The following DRP2 variants were observed in gnomAD, a reference collection of about 807,000 sequenced individuals.
DRP2 encodes the protein dystrophin-related protein 2.
In DRP2, 29 loss-of-function variants were observed where a neutral mutation model predicts 78.2. The ratio of observed to expected loss-of-function variants is 0.37; its 90% CI spans 0.28 to 0.51. The LOEUF (loss-of-function observed/expected upper bound fraction) is 0.51. Ranked by LOEUF, DRP2 falls within the 20% of genes least tolerant of loss-of-function variation. The pLI is 0.94. For missense variants in DRP2, 686 were observed against 770.6 expected (o/e 0.89, Z 1.30); for synonymous variants, 290 against 281.9 (o/e 1.03, Z -0.29).
intron 3 of DRP2, among the ~76,000 whole-genome samples, chrX:101,233,343 G>T (rs960065662): frequency 7.2e-5 from 8 of 111,448 alleles, no homozygotes; most frequent in Non-Finnish European, 1.3e-4. Context: ...AGAGGACCCA[G>T]CATGAGTGAA....
At position 101,260,671 on chromosome X, in the gene DRP2, C is replaced by T. The variant is rs370377113; in HGVS notation, c.*50C>T. 1 of 1,165,406 alleles carries T rather than the reference C, an allele frequency of 8.6e-7. No individual in the cohort carries two copies. Among genetic ancestry groups the T allele is most frequent in the Admixed American group, 2.5e-5 (1 of 40,800 alleles). ...TTCATAGTCCTCTCCTGGTTCCGGT[C>T]AAAGCCTTTCCTCAGCCTTCACCCA... On this transcript the variant is annotated 3_prime_UTR_variant, in exon 24 of 24. Coordinates refer to ENST00000395209, the MANE Select transcript of DRP2 (RefSeq NM_001939.3).
At chrX:101,223,518 A>G (rs988697713) in intron 1 of DRP2, among the ~76,000 whole-genome samples, 2 of 111,674 alleles carry the variant, frequency 1.8e-5, no homozygotes, top group Non-Finnish European at 3.8e-5. Context: ...TTAGGTGACA[A>G]TTTCTACTGG....
At chrX:101,258,664 G>C in intron 22 of DRP2, 118 bp downstream of exon 22, 1 of 632,168 alleles carries the variant, frequency 1.6e-6, no homozygotes, top group Non-Finnish European at 2.4e-6. Flanking sequence ...TGGCTGTCAG[G>C]TAACTTCCTG....
In DRP2 at chrX:101,242,464, A is replaced by G; in HGVS notation, c.968A>G (p.Gln323Arg). 8.3e-7 allele frequency: 1 copy of G among 1,208,764 alleles called. No individual in the cohort carries two copies. The highest frequency in any genetic ancestry group is 3.0e-5 in the East Asian group (1 of 33,784). Reference sequence around the variant, plus strand: ...GAACAGATCAACGTCCGATGGAAACAACTACAGGTAGAAGAGCAGCCTGGA... The same window carrying G: ...GAACAGATCAACGTCCGATGGAAACGACTACAGGTAGAAGAGCAGCCTGGA... ...ALEQINVRWK[Q>R]LQASVSERLK... The change falls in exon 8 of 24, where the codon CAA becomes CGA. Residue 323 changes from glutamine (Q) to arginine (R), a missense_variant. Gln to Arg is a conservative substitution (Grantham distance 43). This residue lies in a region of DRP2 where 423 missense variants were observed against 531.5 expected (regional missense o/e 0.80). Transcript: ENST00000395209.
chrX:101,257,967 C>T (rs1923410455), intron 21 of DRP2, among the ~76,000 whole-genome samples: 1 of 110,700 alleles, frequency 9.0e-6, no homozygotes, highest in African/African-American at 3.3e-5. Flanking sequence ...GAGTCAGTGG[C>T]CCTAATGCCT....
chrX:101,263,740 CTGTT>C lies in DRP2; in HGVS notation c.*3122_*3125del, dbSNP rs1923645188. The C allele has an allele frequency of 8.9e-6, 1 of 112,085 alleles. No individual in the cohort carries two copies. The highest frequency in any genetic ancestry group is 1.9e-5 in the Non-Finnish European group (1 of 53,234). 9.2% of individuals were successfully genotyped at this position (112,085 alleles called of 1,213,427 possible). A position where few individuals can be genotyped will look rare whatever the true frequency, so the allele number is the denominator to read the frequency against. On this transcript the variant is annotated 3_prime_UTR_variant, in exon 24 of 24. Transcript: ENST00000395209. Reference sequence around the variant, plus strand: ...GGGAACTATTTCCCTACAGAGAAATCTGTTTGAGTTTCTGGTGCTCCAGGAAATG... The same window carrying C: ...GGGAACTATTTCCCTACAGAGAAATCTGAGTTTCTGGTGCTCCAGGAAATG...
chrX:101,223,539 G>C (rs1338706910), intron 1 of DRP2, among the ~76,000 whole-genome samples: 11 of 111,631 alleles, frequency 9.9e-5, no homozygotes, highest in South Asian at 3.7e-4. Flanking sequence ...GTAAATATCT[G>C]GGTGGAATTG....
At chrX:101,247,942 T>A in intron 12 of DRP2, 147 bp from the exon 13 acceptor site, 1 of 510,913 alleles carries the variant, frequency 2.0e-6, no homozygotes, top group Non-Finnish European at 3.2e-6. Context: ...AGGGTCTTAG[T>A]AAAGGACAAG....
Position 101,254,448 on chromosome X carries a change from G to A in DRP2, c.2001G>A (p.Arg667=). The A allele has an allele frequency of 8.3e-7, 1 of 1,211,703 alleles. No individual in the cohort carries two copies. The highest frequency in any genetic ancestry group is 1.1e-6 in the Non-Finnish European group (1 of 895,485). The change falls in exon 18 of 24, where the codon AGG becomes AGA. Residue 667 remains arginine, a synonymous_variant. Transcript: ENST00000395209. The part of the protein sequence containing the change: ...YTPTTSSENM[R]DFATTLKNKF... ...AGACCACATCCAGTGAGAACATGAG[G>A]GACTTTGCCACAACCTTAAAGAACA...
At position 101,255,139 on chromosome X, in the gene DRP2, G is replaced by A. The variant is rs367653341; in HGVS notation, c.2181-45G>A. On this transcript the variant is annotated intron_variant, in intron 19 of 23. Transcript: ENST00000395209. ...ATTAAAGTCCTTGAGATGGAAGCAG[G>A]CCCCACATCCTGTTTTCTCTCCTGC... 1.9e-5 allele frequency: 22 copies of A among 1,171,065 alleles called. No individual in the cohort carries two copies. In the African/African-American group the frequency reaches 2.1e-4, roughly 11 times the overall value.
In DRP2 at chrX:101,263,471, G is replaced by A. The variant is rs754217351; in HGVS notation, c.*2850G>A. 3.6e-5 allele frequency: 4 copies of A among 111,898 alleles called. No homozygotes were observed. The highest frequency in any genetic ancestry group is 7.6e-4 in the South Asian group (2 of 2,631). The allele number at this position is 111,898 out of a possible 1,213,427, so 9.2% of individuals were successfully genotyped here. Reference sequence around the variant, plus strand: ...TCAAATAGTATCAGAGAACAGTTAGGACTGAGAGGTGATTTCTTCTTGACA... The same window carrying A: ...TCAAATAGTATCAGAGAACAGTTAGAACTGAGAGGTGATTTCTTCTTGACA... On this transcript the variant is annotated 3_prime_UTR_variant, in exon 24 of 24. Coordinates refer to ENST00000395209, the MANE Select transcript of DRP2 (RefSeq NM_001939.3).
At chrX:101,254,182 G>A (rs1346135984) in intron 17 of DRP2, among the ~76,000 whole-genome samples, 1 of 106,227 alleles carries the variant, frequency 9.4e-6, no homozygotes, top group Non-Finnish European at 1.9e-5. Flanking sequence ...AAATTTTTAA[G>A]TATAAAATGA....
chrX:101,248,046 C>G, intron 12 of DRP2, 43 bp from the exon 13 acceptor site: 1 of 1,164,256 alleles, frequency 8.6e-7, no homozygotes. Context: ...TGGGGTTCTA[C>G]TTTTGGCTAT....
At chrX:101,224,376 C>G in intron 1 of DRP2, among the ~76,000 whole-genome samples, 1 of 72,630 alleles carries the variant, frequency 1.4e-5, no homozygotes, top group East Asian at 4.5e-4. Context: ...GCCTGGGCGA[C>G]AGAGCGAGAC....
At chrX:101,230,751 T>C (rs1412533992) in intron 2 of DRP2, among the ~76,000 whole-genome samples, 1 of 110,441 alleles carries the variant, frequency 9.1e-6, no homozygotes, top group African/African-American at 3.3e-5. Flanking sequence ...TTAATTTTCA[T>C]GTTTGTATTT....
At chrX:101,256,812 G>A (rs1923354412) in intron 21 of DRP2, among the ~76,000 whole-genome samples, 1 of 106,592 alleles carries the variant, frequency 9.4e-6, no homozygotes, top group Non-Finnish European at 1.9e-5. Context: ...GCTCACCCCG[G>A]CTTCCCAAAG....
Position 101,245,199 on chromosome X carries a change from C to G in DRP2, c.1115+122C>G, listed in dbSNP as rs766111674. ...GATTCCTCCATCCAGTTCGGTTTTT[C>G]TCCTACTCATCTCAAGATCTCAAGA... On this transcript the variant is annotated intron_variant, in intron 10 of 23. Transcript: ENST00000395209. The G allele has an allele frequency of 2.9e-4, 245 of 847,583 alleles. 1 individual carries two copies. In the African/African-American group the frequency reaches 4.5e-3, roughly 15 times the overall value. 69.9% of individuals were successfully genotyped at this position (847,583 alleles called of 1,213,427 possible). A position where few individuals can be genotyped will look rare whatever the true frequency, so the allele number is the denominator to read the frequency against.
intron 9 of DRP2, among the ~76,000 whole-genome samples, chrX:101,244,410 A>G (rs998903001): frequency 5.3e-5 from 6 of 112,202 alleles, no homozygotes; most frequent in Admixed American, 4.7e-4. Context: ...ATTGGCATAC[A>G]GCTATACCTG....
At chrX:101,222,190 C>A (rs980169608) in intron 1 of DRP2, among the ~76,000 whole-genome samples, 6 of 111,521 alleles carry the variant, frequency 5.4e-5, no homozygotes, top group Non-Finnish European at 1.1e-4. Context: ...AGAAGTACTG[C>A]TGTAAATGAA....
Sources: allele counts gnomAD v4.1 joint callset (sites outside exome capture counted in the v4.1 genomes callset), GRCh38; gene constraint gnomAD v4.1.1; regional missense constraint gnomAD v4.1.1; transcripts MANE v1.5; gene names NCBI Gene and HGNC (gene_info 2026-07-23, HGNC 2026-07-21).